The following PCDHGA6 variants were observed in gnomAD, a reference collection of about 807,000 sequenced individuals.
The protein encoded by PCDHGA6 is protocadherin gamma-A6.
A neutral mutation model predicts 60.6 loss-of-function variants in PCDHGA6; 41 were observed. The observed-to-expected ratio is 0.68, with a 90% CI of 0.53 to 0.88. The LOEUF (loss-of-function observed/expected upper bound fraction) is 0.88. Ranked by LOEUF, PCDHGA6 falls within the 40% of genes least tolerant of loss-of-function variation. The pLI, the probability that PCDHGA6 is intolerant of heterozygous loss-of-function variation, is 0.00. For synonymous variants in PCDHGA6, 594 were observed against 524.4 expected (o/e 1.13, Z -1.81); for missense variants, 1,312 against 1,203.0 (o/e 1.09, Z -1.34).
intron 1 of PCDHGA6, among the ~76,000 whole-genome samples, chr5:141,483,322 G>C (rs1325809962): frequency 1.3e-5 from 2 of 152,110 alleles, no homozygotes. Flanking sequence ...TGGGACTGGA[G>C]GCAAAGAGAT....
At chr5:141,422,865 C>A in intron 1 of PCDHGA6, 6 of 1,614,244 alleles carry the variant, frequency 3.7e-6, no homozygotes, top group Non-Finnish European at 5.1e-6. Flanking sequence ...TCAGCAGCAA[C>A]GTGTCGCTGA....
chr5:141,409,823 A>G, intron 1 of PCDHGA6: 2 of 1,610,784 alleles, frequency 1.2e-6, no homozygotes, highest in Non-Finnish European at 1.7e-6. Flanking sequence ...CGGCTCGCCC[A>G]CGCTCAGCGC....
intron 1 of PCDHGA6, chr5:141,377,978 G>C (rs1774513116): frequency 6.6e-6 from 1 of 151,944 alleles, no homozygotes; most frequent in South Asian, 2.1e-4. Flanking sequence ...TATGTTCCTG[G>C]GTTGCAATCC....
In PCDHGA6 at chr5:141,511,999, C is replaced by G. The variant is rs1049440139; in HGVS notation, c.*826C>G. ...GTGGATGGTGGGGGCATGGACAAAG[C>G]TTGACACATCAAGTTATCAAGGCCT... is the stretch of plus-strand genomic sequence containing the variant. On this transcript the variant is annotated 3_prime_UTR_variant, in exon 4 of 4. Coordinates refer to ENST00000517434, the MANE Select transcript of PCDHGA6 (RefSeq NM_018919.3). 6.5e-6 allele frequency: 1 copy of G among 153,016 alleles called. No individual in the cohort carries two copies. Among genetic ancestry groups the G allele is most frequent in the Non-Finnish European group, 1.5e-5 (1 of 68,392 alleles). The allele number at this position is 153,016 out of a possible 1,614,324, so 9.5% of individuals were successfully genotyped here. A position where few individuals can be genotyped will look rare whatever the true frequency, so the allele number is the denominator to read the frequency against.
intron 1 of PCDHGA6, chr5:141,408,016 A>G (rs991619128): frequency 9.9e-7 from 1 of 1,014,516 alleles, no homozygotes; most frequent in Admixed American, 3.2e-5. Flanking sequence ...TGCGCAGCCA[A>G]CAACAGAAAG....
At chr5:141,438,538 A>G (rs950527053) in intron 1 of PCDHGA6, among the ~76,000 whole-genome samples, 2 of 145,166 alleles carry the variant, frequency 1.4e-5, no homozygotes, top group African/African-American at 2.6e-5. Context: ...CTTTTCCTCT[A>G]TATCTAAGCC....
In PCDHGA6 at chr5:141,477,229, C is replaced by G. The variant is rs1376731101; in HGVS notation, c.2425-17578C>G. The G allele has an allele frequency of 6.2e-7, 1 of 1,614,222 alleles. No homozygotes were observed. The highest frequency in any genetic ancestry group is 8.5e-7 in the Non-Finnish European group (1 of 1,180,052). On this transcript the variant is annotated intron_variant, in intron 1 of 3. Transcript: ENST00000517434. This position sits in a 1 kb window ranked among gnomAD's most constrained non-coding sequence, Gnocchi z 4.9. ...AGGATGCCCCTCTGGGGACTGTCAT[C>G]GCTTTGCTCAGTGTGACTGACCTGG...
Position 141,393,949 on chromosome 5 carries a change from A to G in PCDHGA6, c.2424+17442A>G, listed in dbSNP as rs370166968. 2.5e-6 allele frequency: 4 copies of G among 1,613,874 alleles called. No individual in the cohort carries two copies. The highest frequency in any genetic ancestry group is 3.4e-6 in the Non-Finnish European group (4 of 1,179,890). Reference sequence around the variant, plus strand: ...GTGCATGACCAAGACTCTGGAAAGAATGGTCAAGTTGTCTGTTACACACGT... The same window carrying G: ...GTGCATGACCAAGACTCTGGAAAGAGTGGTCAAGTTGTCTGTTACACACGT... On this transcript the variant is annotated intron_variant, in intron 1 of 3. Coordinates refer to ENST00000517434, the MANE Select transcript of PCDHGA6 (RefSeq NM_018919.3).
At chr5:141,404,855 A>G (rs370062374) in intron 1 of PCDHGA6, 13 of 1,613,704 alleles carry the variant, frequency 8.1e-6, no homozygotes, top group African/African-American at 2.7e-5. Flanking sequence ...CCTGCTAGAT[A>G]GAGATGCGCT....
At chr5:141,390,163 C>G (rs376391116) in intron 1 of PCDHGA6, 6 of 1,613,992 alleles carry the variant, frequency 3.7e-6, no homozygotes, top group Non-Finnish European at 5.1e-6. Flanking sequence ...ACAGGAAAGA[C>G]GGAGTTTAAT....
At chr5:141,494,999 G>T in intron 2 of PCDHGA6, 134 bp downstream of exon 2, 1 of 1,531,046 alleles carries the variant, frequency 6.5e-7, no homozygotes, top group Non-Finnish European at 8.8e-7. Context: ...GGGAGGTCTT[G>T]GTGTGCGGGG....
Position 141,483,506 on chromosome 5 carries a change from T to A in PCDHGA6, c.2425-11301T>A, listed in dbSNP as rs964063329. ...AGGGACAGGGATGAGTCAAGGCTGA[T>A]CCCCCTAGATCCTGACTAAGGAAGC... On this transcript the variant is annotated intron_variant, in intron 1 of 3. Coordinates refer to ENST00000517434, the MANE Select transcript of PCDHGA6 (RefSeq NM_018919.3). Among the ~76,000 whole-genome samples the A allele has an allele frequency of 2.7e-5, 4 of 148,396 alleles. No individual in the cohort carries two copies. In the South Asian group the frequency reaches 8.5e-4, roughly 32 times the overall value.
At chr5:141,463,741 C>T (rs1011021860) in intron 1 of PCDHGA6, among the ~76,000 whole-genome samples, 3 of 152,034 alleles carry the variant, frequency 2.0e-5, no homozygotes, top group Admixed American at 1.3e-4. Context: ...CCACCGCGCC[C>T]GGCCTGCTTC....
Position 141,375,579 on chromosome 5 carries a change from C to G in PCDHGA6, c.1496C>G (p.Ala499Gly). ...YSLAEDTLQG[A>G]PLSSYVSINS... The stretch of plus-strand genomic sequence containing the variant: ...CTGGCAGAAGACACCCTCCAGGGGG[C>G]GCCCCTGTCCTCCTACGTGTCCATC... The change falls in exon 1 of 4, where the codon GCG (alanine) becomes GGG (glycine). Residue 499 changes from alanine (A) to glycine (G), a missense_variant. Transcript: ENST00000517434. The G allele has an allele frequency of 6.2e-7, 1 of 1,614,114 alleles. No homozygotes were observed. The highest frequency in any genetic ancestry group is 1.1e-5 in the South Asian group (1 of 91,084).
Position 141,440,827 on chromosome 5 carries a change from A to G in PCDHGA6, c.2425-53980A>G, listed in dbSNP as rs570022849. 7 of 152,196 alleles carry G rather than the reference A, an allele frequency of 4.6e-5. 1 individual carries two copies. The highest frequency in any genetic ancestry group is 1.4e-4 in the African/African-American group (6 of 41,526). 9.4% of individuals were successfully genotyped at this position (152,196 alleles called of 1,614,324 possible). A position where few individuals can be genotyped will look rare whatever the true frequency, so the allele number is the denominator to read the frequency against. ...GCAGCATCACTCAACTCCTGATCCT[A>G]TTGGTTGAAGCCAATGACAACCCTG... On this transcript the variant is annotated intron_variant, in intron 1 of 3. Transcript: ENST00000517434.
chr5:141,413,793 C>G, intron 1 of PCDHGA6: 1 of 1,613,106 alleles, frequency 6.2e-7, no homozygotes, highest in South Asian at 1.1e-5. Context: ...CCCTAGATCG[C>G]GAGGAAGAGG....
chr5:141,377,666 T>C (rs1416026384), intron 1 of PCDHGA6: 1 of 152,116 alleles, frequency 6.6e-6, no homozygotes, highest in Admixed American at 6.5e-5. Context: ...ACGACAGACG[T>C]TCATACAAGA....
At chr5:141,462,235 C>T (rs1389326284) in intron 1 of PCDHGA6, among the ~76,000 whole-genome samples, 1 of 152,206 alleles carries the variant, frequency 6.6e-6, no homozygotes, top group African/African-American at 2.4e-5. Flanking sequence ...GCAGGGATTA[C>T]AGGTATGAGC....
intron 2 of PCDHGA6, among the ~76,000 whole-genome samples, chr5:141,500,329 C>G (rs1384834356): frequency 6.6e-6 from 1 of 151,986 alleles, no homozygotes; most frequent in Non-Finnish European, 1.5e-5. Flanking sequence ...CTGCCTCAGC[C>G]TCCAGAATAG....
Sources: gnomAD v4.1 joint callset for allele counts (sites outside exome capture counted in the v4.1 genomes callset) on GRCh38, gnomAD v4.1.1 for gene constraint, Gnocchi (gnomAD v3.1) non-coding constraint, MANE v1.5 for transcripts, NCBI Gene and HGNC (gene_info 2026-07-23, HGNC 2026-07-21) for gene names.